ADGRV1: variants seen among roughly 807,000 people sequenced by gnomAD.
ADGRV1 encodes G-protein coupled receptor 98.
A neutral mutation model predicts 596.2 loss-of-function variants in ADGRV1; 359 were observed. That is an observed-to-expected ratio of 0.60 (90% CI 0.55 to 0.66). The LOEUF (loss-of-function observed/expected upper bound fraction) is 0.66. Ranked by LOEUF, ADGRV1 falls within the 30% of genes least tolerant of loss-of-function variation. ADGRV1 has a pLI of 0.00. For synonymous variants in ADGRV1, 2,681 were observed against 2,679.2 expected (o/e 1.00, Z -0.02); for missense variants, 7,274 against 7,575.6 (o/e 0.96, Z 1.48).
intron 83 of ADGRV1, among the ~76,000 whole-genome samples, chr5:90,890,631 A>G (rs1770722547): frequency 6.6e-6 from 1 of 152,166 alleles, no homozygotes; most frequent in South Asian, 2.1e-4. Flanking sequence ...TCCATTTATT[A>G]ACATGACCCT....
At chr5:90,775,932 T>C (rs1170137415) in intron 60 of ADGRV1, among the ~76,000 whole-genome samples, 1 of 152,190 alleles carries the variant, frequency 6.6e-6, no homozygotes, top group East Asian at 1.9e-4. Flanking sequence ...TTTAAGTTTC[T>C]GCTAAGTTAT....
chr5:90,625,636 T>G (rs1764642416), intron 6 of ADGRV1: 1 of 154,378 alleles, frequency 6.5e-6, no homozygotes, highest in African/African-American at 2.4e-5. Context: ...AGTCTCGCTC[T>G]GTTGCCCAGG....
intron 48 of ADGRV1, among the ~76,000 whole-genome samples, chr5:90,726,263 A>G (rs181385194): frequency 1.3e-5 from 2 of 152,312 alleles, no homozygotes; most frequent in South Asian, 2.1e-4. Flanking sequence ...GGCCTCTCAC[A>G]TAAGTGCCCA....
chr5:90,641,008 T>A (rs1377172826), intron 11 of ADGRV1: 2 of 152,636 alleles, frequency 1.3e-5, no homozygotes, highest in African/African-American at 4.8e-5. Context: ...GCATGCTTTG[T>A]GTGCAGTTTC....
intron 16 of ADGRV1, among the ~76,000 whole-genome samples, 181 bp downstream of exon 16, chr5:90,646,272 G>T (rs1331177656): frequency 2.6e-5 from 4 of 151,916 alleles, no homozygotes; most frequent in Non-Finnish European, 5.9e-5. Flanking sequence ...CTTGTTTAAA[G>T]ATTTTGTAAT....
chr5:91,070,134 A>G (rs975358062), intron 85 of ADGRV1, among the ~76,000 whole-genome samples: 6 of 152,206 alleles, frequency 3.9e-5, no homozygotes, highest in African/African-American at 1.4e-4. Context: ...GGGCAAGGAT[A>G]ACAAAACTAA....
chr5:90,801,467 G>T (rs951501592), intron 70 of ADGRV1, among the ~76,000 whole-genome samples: 2 of 151,818 alleles, frequency 1.3e-5, no homozygotes, highest in Non-Finnish European at 2.9e-5. Flanking sequence ...CTTTCATGGG[G>T]GGAGGGGTAC....
intron 85 of ADGRV1, among the ~76,000 whole-genome samples, chr5:91,037,077 C>T (rs1784973953): frequency 5.3e-5 from 8 of 152,168 alleles, no homozygotes; most frequent in Admixed American, 5.2e-4. Flanking sequence ...GCAAGCAGCA[C>T]TGCTCCATGT....
At position 90,564,625 on chromosome 5, in the gene ADGRV1, A is replaced by AT. The variant is rs1206428975; in HGVS notation, c.22+5727dup. Among the ~76,000 whole-genome samples the AT allele has an allele frequency of 8.0e-3, 269 of 33,596 alleles. 64 individuals carry two copies. The highest frequency in any genetic ancestry group is 0.012 in the Admixed American group (68 of 5,856). 22.0% of individuals were successfully genotyped at this position (33,596 alleles called of 152,430 possible). On this transcript the variant is annotated intron_variant, in intron 1 of 89. Transcript: ENST00000405460. ...TCCATGGCGTTTAATATATATATAT[A>AT]TTTTTTTTTTTTTTTTTTTGAGACG... is the stretch of plus-strand genomic sequence containing the variant.
chr5:90,913,025 A>G (rs1186122011), intron 83 of ADGRV1, among the ~76,000 whole-genome samples: 1 of 152,234 alleles, frequency 6.6e-6, no homozygotes, highest in Non-Finnish European at 1.5e-5. Context: ...AAGACTAGGC[A>G]AACATTTTAA....
At chr5:90,725,716 G>A in intron 48 of ADGRV1, 60 bp downstream of exon 48, 1 of 918,286 alleles carries the variant, frequency 1.1e-6, no homozygotes, top group Non-Finnish European at 1.7e-6. Flanking sequence ...CATTATAATT[G>A]AAATTTACCA....
chr5:90,654,180 C>T (rs1299803690), intron 20 of ADGRV1: 2 of 541,426 alleles, frequency 3.7e-6, no homozygotes, highest in South Asian at 2.1e-5. Flanking sequence ...TGGAATAAAC[C>T]CTAGCAGAGA....
chr5:90,938,629 A>G (rs979829899), intron 83 of ADGRV1, among the ~76,000 whole-genome samples: 1 of 152,190 alleles, frequency 6.6e-6, no homozygotes, highest in Admixed American at 6.5e-5. Flanking sequence ...TTGAGCACCT[A>G]TTATATGCCA....
chr5:91,104,939 A>C (rs1487793834), intron 87 of ADGRV1, among the ~76,000 whole-genome samples: 1 of 146,888 alleles, frequency 6.8e-6, no homozygotes, highest in Non-Finnish European at 1.5e-5. Flanking sequence ...AGCTCACTGC[A>C]ACCTCCACTT....
chr5:90,778,167 G>A, intron 62 of ADGRV1, 124 bp downstream of exon 62: 1 of 1,132,766 alleles, frequency 8.8e-7, no homozygotes, highest in Non-Finnish European at 1.2e-6. Flanking sequence ...GGGATGGGGA[G>A]GAGGTAAATA....
intron 83 of ADGRV1, among the ~76,000 whole-genome samples, chr5:90,941,728 T>C (rs755035279): frequency 6.6e-6 from 1 of 152,294 alleles, no homozygotes; most frequent in Middle Eastern, 3.4e-3. Context: ...TTCAGGTGCA[T>C]ATGAAATAAA....
chr5:91,157,049 G>T (rs1188624666), intron 89 of ADGRV1, among the ~76,000 whole-genome samples: 2 of 152,170 alleles, frequency 1.3e-5, no homozygotes, highest in African/African-American at 4.8e-5. Flanking sequence ...AGCCCCTTTG[G>T]ACATGAGCTC....
At chr5:91,072,697 T>A in intron 86 of ADGRV1, 93 bp downstream of exon 86, 1 of 1,316,508 alleles carries the variant, frequency 7.6e-7, no homozygotes, top group Non-Finnish European at 1.1e-6. Context: ...AGAGGGAAGT[T>A]CGGCTCATCT....
At chr5:90,884,298 C>G (rs907855506) in intron 83 of ADGRV1, among the ~76,000 whole-genome samples, 2 of 152,114 alleles carry the variant, frequency 1.3e-5, no homozygotes, top group Non-Finnish European at 2.9e-5. Flanking sequence ...CCCCTGGAAG[C>G]CACAATCACC....
Sources: gnomAD v4.1 joint callset for allele counts (sites outside exome capture counted in the v4.1 genomes callset) on GRCh38, gnomAD v4.1.1 for gene constraint, MANE v1.5 for transcripts, NCBI Gene and HGNC (gene_info 2026-07-23, HGNC 2026-07-21) for gene names.